The following P2RX1 variants were observed in gnomAD, a reference collection of about 807,000 sequenced individuals.
P2RX1 encodes P2X purinoceptor 1.
P2RX1 carries 42 observed loss-of-function variants against 50.3 expected under a neutral mutation model. That is an observed-to-expected ratio of 0.83 (90% CI 0.65 to 1.08). The LOEUF (loss-of-function observed/expected upper bound fraction) is 1.08, where lower values mean the gene tolerates loss of function less well. Among genes scored for constraint, P2RX1 ranks in the 50% least tolerant of loss-of-function variants. P2RX1 has a pLI of 0.00. For synonymous variants in P2RX1, 199 were observed against 202.6 expected (o/e 0.98, Z 0.15); for missense variants, 449 against 529.0 (o/e 0.85, Z 1.48).
At chr17:3,912,988 A>T (rs1247816172) in intron 1 of P2RX1, among the ~76,000 whole-genome samples, 1 of 152,110 alleles carries the variant, frequency 6.6e-6, no homozygotes, top group Non-Finnish European at 1.5e-5. Flanking sequence ...CCCAGCCCAC[A>T]GCCCCCAGGT....
At position 3,897,504 on chromosome 17, in the gene P2RX1, G is replaced by C. The variant is rs2056051371; in HGVS notation, c.*310C>G. The C allele has an allele frequency of 2.0e-6, 1 of 506,758 alleles. No individual in the cohort carries two copies. Among genetic ancestry groups the C allele is most frequent in the African/African-American group, 1.9e-5 (1 of 52,072 alleles). 31.4% of individuals were successfully genotyped at this position (506,758 alleles called of 1,614,324 possible). On this transcript the variant is annotated 3_prime_UTR_variant, in exon 12 of 12. Transcript: ENST00000225538. The stretch of plus-strand genomic sequence containing the variant: ...AAATGGAGGCAGCGGGTTGGATAAT[G>C]AGAGTCCGGAGAGAGAAGCACGAAG...
chr17:3,898,422 A>T, intron 10 of P2RX1, 62 bp downstream of exon 10: 1 of 1,310,662 alleles, frequency 7.6e-7, no homozygotes, highest in Non-Finnish European at 1.1e-6. Context: ...TCTTGCTGCT[A>T]CTGAATTGTG....
rs75887164 is a variant in P2RX1, at chr17:3,898,033, G to T, written c.1110C>A (p.Tyr370Ter). ...CCGCCCCTGGCCCCATGTCCTCAGC[G>T]TATTTGAACTTCTTCTGCTTGTAGT... ...RHYYKQKKFK[Y>*]AEDMGPGAAE... Residue 370 changes from tyrosine to a stop codon, truncating the protein, a stop_gained, in exon 11 of 12, where the codon TAC (tyrosine) becomes TAA (stop). Coordinates refer to ENST00000225538, the MANE Select transcript of P2RX1 (RefSeq NM_002558.4). LOFTEE classifies it high-confidence loss of function. The T allele has an allele frequency of 6.2e-7, 1 of 1,613,580 alleles. No individual in the cohort carries two copies. Among genetic ancestry groups the T allele is most frequent in the Non-Finnish European group, 8.5e-7 (1 of 1,179,884 alleles).
At position 3,916,298 on chromosome 17, in the gene P2RX1, C is replaced by G; in HGVS notation, c.-73G>C. 1 of 1,539,676 alleles carries G rather than the reference C, an allele frequency of 6.5e-7. No individual in the cohort carries two copies. The highest frequency in any genetic ancestry group is 8.9e-7 in the Non-Finnish European group (1 of 1,127,662). On this transcript the variant is annotated 5_prime_UTR_variant, in exon 1 of 12. Coordinates refer to ENST00000225538, the MANE Select transcript of P2RX1 (RefSeq NM_002558.4). The stretch of plus-strand genomic sequence containing the variant: ...TCTCAGGGTGAGCCGGGTGCCACCA[C>G]CCACGTCGATGGTAGAGCTTCTGGG...
Position 3,903,686 on chromosome 17 carries a change from C to A in P2RX1, c.525-55G>T. 1 of 1,551,084 alleles carries A rather than the reference C, an allele frequency of 6.4e-7. No individual in the cohort carries two copies. The highest frequency in any genetic ancestry group is 8.9e-7 in the Non-Finnish European group (1 of 1,124,170). ...CTCCCCAGGAGGCCCCCTGTGTGTC[C>A]CACACAGAGCTTGGCACAGCAGGGG... On this transcript the variant is annotated intron_variant, in intron 5 of 11. Coordinates refer to ENST00000225538, the MANE Select transcript of P2RX1 (RefSeq NM_002558.4). This position sits in a 1 kb window ranked among gnomAD's most constrained non-coding sequence, Gnocchi z 4.6.
chr17:3,902,690 C>G (rs2056173018), intron 7 of P2RX1, among the ~76,000 whole-genome samples: 2 of 151,938 alleles, frequency 1.3e-5, no homozygotes, highest in Admixed American at 1.3e-4. Context: ...TCACTGCAAC[C>G]TCTGCCTCCC....
Position 3,898,976 on chromosome 17 carries a change from G to T in P2RX1, c.924C>A (p.Phe308Leu). The change falls in exon 9 of 12, where the codon TTC (phenylalanine) becomes TTA (leucine). Residue 308 changes from phenylalanine (F) to leucine (L), a missense_variant. Phe to Leu is a conservative substitution (Grantham distance 22). Transcript: ENST00000225538. ...VENGTNYRHL[F>L]KVFGIRFDIL... ...TGTCAAAGCGAATCCCAAACACCTT[G>T]AAGAGGTGACGGTAGTTGGTCCCGT... The T allele has an allele frequency of 6.2e-7, 1 of 1,613,670 alleles. No homozygotes were observed. Among genetic ancestry groups the T allele is most frequent in the Non-Finnish European group, 8.5e-7 (1 of 1,179,900 alleles).
chr17:3,903,267 G>C lies in P2RX1; in HGVS notation c.682C>G (p.Pro228Ala). 6.2e-7 allele frequency: 1 copy of C among 1,614,174 alleles called. No homozygotes were observed. The highest frequency in any genetic ancestry group is 8.5e-7 in the Non-Finnish European group (1 of 1,180,038). Reference protein sequence around the residue: ...LFHKTLHPLCPVFQLGYVVQE... With the variant: ...LFHKTLHPLCAVFQLGYVVQE... ...ACCACGTAGCCAAGCTGGAAGACTG[G>C]GCACAGGGGGTGCAGGGTCTTGTGA... Residue 228 changes from proline (P) to alanine (A), a missense_variant, in exon 7 of 12, where the codon CCA becomes GCA. Transcript: ENST00000225538. This position sits in a 1 kb window ranked among gnomAD's most constrained non-coding sequence, Gnocchi z 4.6.
intron 2 of P2RX1, 34 bp from the exon 3 acceptor site, chr17:3,904,963 G>GGGGGGGGGGGGGGGGGGC: frequency 1.1e-5 from 5 of 435,240 alleles, no homozygotes; most frequent in Admixed American, 5.6e-5. Flanking sequence ...GGTGGGGTGG[G>GGGGGGGGGGGGGGGGGGC]CTGGGAGCTG....
At chr17:3,906,998 G>A (rs1026776068) in intron 1 of P2RX1, among the ~76,000 whole-genome samples, 2 of 152,204 alleles carry the variant, frequency 1.3e-5, no homozygotes, top group Non-Finnish European at 2.9e-5. Context: ...ACCTTCTGGA[G>A]AGAGCAATCC....
chr17:3,901,144 T>G (rs2056131723), intron 7 of P2RX1, among the ~76,000 whole-genome samples: 1 of 152,120 alleles, frequency 6.6e-6, no homozygotes, highest in Admixed American at 6.5e-5. Context: ...CTCGGCTCAC[T>G]GCAACCTCTG....
At chr17:3,911,291 TTTTC>T (rs35991376) in intron 1 of P2RX1, among the ~76,000 whole-genome samples, 41 of 151,140 alleles carry the variant, frequency 2.7e-4, no homozygotes, top group Non-Finnish European at 4.4e-4. Context: ...CCCGGTCTGT[TTTTC>T]TTTCTTTCTT....
rs148779603 is a variant in P2RX1 at position 3,902,336 on chromosome 17, G to C, written c.747+866C>G. Among the ~76,000 whole-genome samples the C allele has an allele frequency of 7.0e-3, 1,053 of 150,900 alleles. 10 individuals are homozygous for C. Among genetic ancestry groups the C allele is most frequent in the African/African-American group, 0.025 (1,008 of 40,972 alleles). On this transcript the variant is annotated intron_variant, in intron 7 of 11. Coordinates refer to ENST00000225538, the MANE Select transcript of P2RX1 (RefSeq NM_002558.4). ...TTTGACAGAGTCTTGCTCTGTCCCC[G>C]AGTCTGGAGTGCAGTGGCGTGATCT...
intron 1 of P2RX1, among the ~76,000 whole-genome samples, chr17:3,913,507 C>T (rs942716212): frequency 7.2e-5 from 11 of 152,238 alleles, no homozygotes; most frequent in African/African-American, 2.4e-4. Flanking sequence ...ACTGCCTGCA[C>T]TTGCCCAGGA....
intron 8 of P2RX1, 124 bp from the exon 9 acceptor site, chr17:3,899,148 G>T: frequency 1.4e-6 from 1 of 738,324 alleles, no homozygotes; most frequent in Non-Finnish European, 2.5e-6. Context: ...CCCAACACCG[G>T]GCAGGATCCC....
intron 7 of P2RX1, among the ~76,000 whole-genome samples, chr17:3,900,773 G>A (rs1046749940): frequency 4.6e-5 from 7 of 152,176 alleles, no homozygotes; most frequent in African/African-American, 1.4e-4. Flanking sequence ...CCAGGAGGAC[G>A]AAGCTATCTG....
intron 1 of P2RX1, among the ~76,000 whole-genome samples, chr17:3,907,802 C>T (rs1048460712): frequency 1.3e-5 from 2 of 152,110 alleles, no homozygotes; most frequent in African/African-American, 4.8e-5. Context: ...GCCCATCCCC[C>T]CACTGGCCTC....
In P2RX1 at chr17:3,903,076, G is replaced by A; in HGVS notation, c.747+126C>T. On this transcript the variant is annotated intron_variant, in intron 7 of 11. Transcript: ENST00000225538. The surrounding 1 kb of genome is among the most constrained non-coding windows in gnomAD (Gnocchi z 4.6). The stretch of plus-strand genomic sequence containing the variant: ...GACGCTCAGGGGGCCCCAGTATCAG[G>A]GGACAGACCCATACATATACTCAGC... 1.5e-6 allele frequency: 2 copies of A among 1,348,140 alleles called. No homozygotes were observed. The highest frequency in any genetic ancestry group is 2.1e-6 in the Non-Finnish European group (2 of 971,184). The allele number at this position is 1,348,140 out of a possible 1,614,324, so 83.5% of individuals were successfully genotyped here.
intron 1 of P2RX1, 134 bp from the exon 2 acceptor site, chr17:3,905,501 A>T: frequency 1.0e-6 from 1 of 996,678 alleles, no homozygotes; most frequent in Non-Finnish European, 1.5e-6. Context: ...GGCTAGAGGC[A>T]GGACAGCCTC....
Sources: allele counts gnomAD v4.1 joint callset (sites outside exome capture counted in the v4.1 genomes callset), GRCh38; gene constraint gnomAD v4.1.1; non-coding constraint Gnocchi (gnomAD v3.1); transcripts MANE v1.5; gene names NCBI Gene and HGNC (gene_info 2026-07-23, HGNC 2026-07-21).